The following ERC2 variants were observed in gnomAD, a reference collection of about 807,000 sequenced individuals.
The protein encoded by ERC2 is ELKS/RAB6-interacting/CAST family member 2, also known as ERC protein 2.
Under a neutral mutation model 114.8 loss-of-function variants are expected in ERC2, and 42 were observed. The observed-to-expected ratio is 0.37, with a 90% CI of 0.29 to 0.47. The LOEUF (loss-of-function observed/expected upper bound fraction) is 0.47, where lower values mean the gene tolerates loss of function less well. Among genes scored for constraint, ERC2 ranks in the 20% least tolerant of loss-of-function variants. The probability of loss-of-function intolerance (pLI) is 0.99; values close to 1 mark genes in which losing one functional copy is unlikely to be tolerated. For synonymous variants in ERC2, 454 were observed against 425.5 expected (o/e 1.07, Z -0.82); for missense variants, 939 against 1,150.7 (o/e 0.82, Z 2.66).
Position 55,897,786 on chromosome 3 carries a change from C to T in ERC2, c.2404-9237G>A, listed in dbSNP as rs528339384. On this transcript the variant is annotated intron_variant, in intron 13 of 17. Coordinates refer to ENST00000288221, the MANE Select transcript of ERC2 (RefSeq NM_015576.3). ...CATTTCTATCTCTTCCTCCTTCCCACCTCCCCACTGCTGCCTTAGAGTGAC... is the reference window on the plus strand; with the variant it reads ...CATTTCTATCTCTTCCTCCTTCCCATCTCCCCACTGCTGCCTTAGAGTGAC... 6.6e-5 allele frequency among the ~76,000 whole-genome samples: 10 copies of T among 152,330 alleles called. No homozygotes were observed. The South Asian group carries it at 1.7e-3, about 25-fold the overall frequency.
chr3:55,775,117 C>T (rs559881900), intron 14 of ERC2, among the ~76,000 whole-genome samples: 179 of 152,316 alleles, frequency 1.2e-3, no homozygotes, highest in African/African-American at 3.8e-3. Context: ...TGCCTTTAAT[C>T]TCCTTAATCA....
rs1010313924 is a variant in ERC2 at position 55,509,993 on chromosome 3, G to A, written c.*1323C>T. ...ACATGTTTGCCAGACTCAGTCATGA[G>A]TTTTATGAAGTTATAACAATTTAAA... is the stretch of plus-strand genomic sequence containing the variant. On this transcript the variant is annotated 3_prime_UTR_variant, in exon 18 of 18. Coordinates refer to ENST00000288221, the MANE Select transcript of ERC2 (RefSeq NM_015576.3). 2.6e-5 allele frequency: 4 copies of A among 152,648 alleles called. No individual in the cohort carries two copies. Among genetic ancestry groups the A allele is most frequent in the African/African-American group, 9.6e-5 (4 of 41,456 alleles). 9.5% of individuals were successfully genotyped at this position (152,648 alleles called of 1,614,324 possible). A position where few individuals can be genotyped will look rare whatever the true frequency, so the allele number is the denominator to read the frequency against.
chr3:56,299,350 G>A (rs1191099409), intron 2 of ERC2, among the ~76,000 whole-genome samples: 4 of 150,778 alleles, frequency 2.7e-5, no homozygotes, highest in African/African-American at 4.9e-5. Context: ...GGATGGTCTC[G>A]ATCTCCTGAC....
intron 17 of ERC2, among the ~76,000 whole-genome samples, chr3:55,620,977 C>T (rs535085606): frequency 1.1e-4 from 17 of 152,280 alleles, no homozygotes; most frequent in Middle Eastern, 3.4e-3. Context: ...TTGTCAAATA[C>T]TCTGACAGTG....
intron 15 of ERC2, among the ~76,000 whole-genome samples, chr3:55,700,988 G>A (rs1010577357): frequency 2.0e-5 from 3 of 152,162 alleles, no homozygotes; most frequent in Non-Finnish European, 4.4e-5. Context: ...AGGTCACGGA[G>A]AGTTGAGGAC....
At chr3:56,080,652 T>A (rs2077186034) in intron 7 of ERC2, among the ~76,000 whole-genome samples, 165 bp downstream of exon 7, 1 of 152,202 alleles carries the variant, frequency 6.6e-6, no homozygotes. Flanking sequence ...GCAACGCTAA[T>A]ATTGACATGA....
At chr3:55,810,149 T>C (rs2149124447) in intron 14 of ERC2, among the ~76,000 whole-genome samples, 1 of 152,320 alleles carries the variant, frequency 6.6e-6, no homozygotes, top group East Asian at 1.9e-4. Context: ...TTCTGACATG[T>C]GCAAATATCC....
At chr3:56,031,459 A>G (rs1378193033) in intron 7 of ERC2, among the ~76,000 whole-genome samples, 1 of 152,120 alleles carries the variant, frequency 6.6e-6, no homozygotes, top group Non-Finnish European at 1.5e-5. Flanking sequence ...ACTCCATCTC[A>G]TGGCCCCTCC....
intron 17 of ERC2, among the ~76,000 whole-genome samples, chr3:55,566,934 C>A (rs150512690): frequency 0.021 from 3,270 of 152,292 alleles, 109 homozygotes; most frequent in African/African-American, 0.073. Context: ...CTCCTGACAT[C>A]AAGTGATCTG....
chr3:56,335,334 A>G (rs1352170769), intron 2 of ERC2, among the ~76,000 whole-genome samples: 1 of 152,228 alleles, frequency 6.6e-6, no homozygotes, highest in African/African-American at 2.4e-5. Context: ...TAGTACATAA[A>G]TGGCAAATAC....
At chr3:55,972,934 A>C (rs1443958699) in intron 12 of ERC2, among the ~76,000 whole-genome samples, 3 of 152,148 alleles carry the variant, frequency 2.0e-5, no homozygotes, top group African/African-American at 7.2e-5. Flanking sequence ...AACAATGAGA[A>C]AACATTGGGT....
chr3:55,529,152 C>T (rs941236632), intron 17 of ERC2, among the ~76,000 whole-genome samples: 5 of 152,210 alleles, frequency 3.3e-5, no homozygotes, highest in Non-Finnish European at 5.9e-5. Flanking sequence ...AATGCATATC[C>T]ACCCTTCAAG....
chr3:56,385,554 T>C (rs1390984195), intron 2 of ERC2, among the ~76,000 whole-genome samples: 1 of 152,212 alleles, frequency 6.6e-6, no homozygotes, highest in Non-Finnish European at 1.5e-5. Flanking sequence ...CGGAACATGA[T>C]ATGTGTTTCT....
intron 14 of ERC2, among the ~76,000 whole-genome samples, chr3:55,864,818 C>T (rs2062222905): frequency 6.6e-6 from 1 of 152,080 alleles, no homozygotes; most frequent in Non-Finnish European, 1.5e-5. Flanking sequence ...TCATCATCAC[C>T]ATTGTCATCA....
intron 14 of ERC2, among the ~76,000 whole-genome samples, chr3:55,815,372 C>A (rs1217474249): frequency 1.3e-5 from 2 of 152,168 alleles, no homozygotes; most frequent in Non-Finnish European, 2.9e-5. Context: ...GGCAAATTAT[C>A]CTGGATTATT....
chr3:55,871,613 T>C (rs981035974), intron 14 of ERC2, among the ~76,000 whole-genome samples: 1 of 152,178 alleles, frequency 6.6e-6, no homozygotes, highest in African/African-American at 2.4e-5. Context: ...CAGGAATTTA[T>C]ATGCAGAAAT....
In ERC2 at chr3:55,805,762, C is replaced by T. The variant is rs556915996; in HGVS notation, c.2565-70844G>A. On this transcript the variant is annotated intron_variant, in intron 14 of 17. Coordinates refer to ENST00000288221, the MANE Select transcript of ERC2 (RefSeq NM_015576.3). ...AATAAATGGTCCTGATCGGATTACA[C>T]ACCCAGAAACCCAGCTCACAATTCT... Among the ~76,000 whole-genome samples the T allele has an allele frequency of 5.3e-5, 8 of 152,244 alleles. No individual in the cohort carries two copies. The South Asian group carries it at 1.5e-3, about 28-fold the overall frequency.
intron 14 of ERC2, among the ~76,000 whole-genome samples, chr3:55,813,245 C>T (rs2059790651): frequency 6.6e-6 from 1 of 152,134 alleles, no homozygotes; most frequent in African/African-American, 2.4e-5. Context: ...TACAGTATAG[C>T]TAGGTTCCTC....
At chr3:56,047,862 G>T (rs1214565095) in intron 7 of ERC2, among the ~76,000 whole-genome samples, 4 of 152,056 alleles carry the variant, frequency 2.6e-5, no homozygotes, top group African/African-American at 9.7e-5. Flanking sequence ...AATTATTTCT[G>T]TACAAGCCCA....
Sources: allele counts gnomAD v4.1 joint callset (sites outside exome capture counted in the v4.1 genomes callset), GRCh38; gene constraint gnomAD v4.1.1; transcripts MANE v1.5; gene names NCBI Gene and HGNC (gene_info 2026-07-23, HGNC 2026-07-21).